CWH43: variants seen among roughly 807,000 people sequenced by gnomAD.
The protein encoded by CWH43 is cell wall biogenesis 43 C-terminal homolog.
CWH43 carries 91 observed loss-of-function variants against 85.7 expected under a neutral mutation model. The observed-to-expected ratio is 1.06, with a 90% CI of 0.90 to 1.26. The LOEUF (loss-of-function observed/expected upper bound fraction) is 1.26, where lower values mean the gene tolerates loss of function less well. CWH43 is among the 50% of genes most tolerant of loss of function. CWH43 has a pLI of 0.00. For synonymous variants in CWH43, 323 were observed against 293.6 expected (o/e 1.10, Z -1.02); for missense variants, 869 against 839.2 (o/e 1.04, Z -0.44).
intron 15 of CWH43, 89 bp downstream of exon 15, chr4:49,050,938 T>C (rs977684457): frequency 1.6e-5 from 15 of 960,968 alleles, no homozygotes; most frequent in Non-Finnish European, 2.0e-5. Flanking sequence ...CTAGAAATTA[T>C]ATTTTGTCCT....
intron 13 of CWH43, among the ~76,000 whole-genome samples, chr4:49,040,666 T>G (rs1274466927): frequency 1.2e-4 from 18 of 151,744 alleles, no homozygotes; most frequent in Non-Finnish European, 2.1e-4. Flanking sequence ...TGAGTAGGTT[T>G]TGAAAATTTT....
intron 9 of CWH43, among the ~76,000 whole-genome samples, chr4:49,026,417 A>G (rs184725371): frequency 2.0e-5 from 3 of 152,230 alleles, no homozygotes; most frequent in Admixed American, 6.5e-5. Flanking sequence ...TTGGAGCAAA[A>G]GTTCATGGTG....
chr4:49,026,877 G>A (rs1783932505), intron 9 of CWH43, among the ~76,000 whole-genome samples: 1 of 152,208 alleles, frequency 6.6e-6, no homozygotes, highest in Non-Finnish European at 1.5e-5. Flanking sequence ...TTAACATAAT[G>A]CCTTCTTTCC....
chr4:49,030,710 T>C, intron 10 of CWH43, 115 bp from the exon 11 acceptor site: 1 of 943,894 alleles, frequency 1.1e-6, no homozygotes, highest in Non-Finnish European at 1.5e-6. Context: ...AATTACTTTG[T>C]TTTTGGGTTT....
At chr4:49,035,078 C>A (rs560396701) in intron 12 of CWH43, among the ~76,000 whole-genome samples, 31 of 152,302 alleles carry the variant, frequency 2.0e-4, no homozygotes, top group African/African-American at 5.1e-4. Flanking sequence ...AGCCTCCCAA[C>A]AAGCGACATA....
intron 8 of CWH43, among the ~76,000 whole-genome samples, chr4:49,014,264 G>A (rs748739772): frequency 6.6e-6 from 1 of 152,050 alleles, no homozygotes; most frequent in Non-Finnish European, 1.5e-5. Flanking sequence ...ACCAGCATAA[G>A]CAATGTAGTG....
Position 49,032,453 on chromosome 4 carries a change from T to C in CWH43, c.1509-113T>C. The stretch of plus-strand genomic sequence containing the variant: ...TCTGCCGCATTGCTTTGAATGTCCC[T>C]TGGTGGGATGTGTGCAGTGGGACAC... On this transcript the variant is annotated intron_variant, in intron 11 of 15. Coordinates refer to ENST00000226432, the MANE Select transcript of CWH43 (RefSeq NM_025087.3). 2.5e-6 allele frequency: 3 copies of C among 1,177,562 alleles called. No individual in the cohort carries two copies. In the South Asian group the frequency reaches 4.1e-5, roughly 16 times the overall value. The allele number at this position is 1,177,562 out of a possible 1,614,324, so 72.9% of individuals were successfully genotyped here.
chr4:49,018,715 T>C (rs1444388869), intron 9 of CWH43, among the ~76,000 whole-genome samples: 2 of 152,232 alleles, frequency 1.3e-5, no homozygotes, highest in African/African-American at 4.8e-5. Context: ...TTGGTTAAAA[T>C]AGAAATTGTT....
chr4:49,026,983 GT>G (rs1332306763), intron 9 of CWH43, among the ~76,000 whole-genome samples: 10 of 152,294 alleles, frequency 6.6e-5, no homozygotes, highest in Non-Finnish European at 1.5e-4. Context: ...CATTGTGATT[GT>G]ACCAATTTAC....
chr4:49,027,168 G>A (rs1156699915), intron 9 of CWH43, among the ~76,000 whole-genome samples: 2 of 152,226 alleles, frequency 1.3e-5, no homozygotes, highest in African/African-American at 4.8e-5. Flanking sequence ...GTCTCATAGA[G>A]AGATGATGGT....
intron 12 of CWH43, among the ~76,000 whole-genome samples, chr4:49,037,570 A>AC: frequency 3.7e-5 from 1 of 27,304 alleles, no homozygotes; most frequent in South Asian, 9.8e-4. Flanking sequence ...ACTCTGTCTC[A>AC]AAAAAAAAAA....
chr4:49,055,209 T>C (rs1412386700), intron 15 of CWH43, among the ~76,000 whole-genome samples: 1 of 152,210 alleles, frequency 6.6e-6, no homozygotes, highest in Non-Finnish European at 1.5e-5. Context: ...AGAGTTTTTA[T>C]CATGAAAAGA....
chr4:49,047,850 C>G (rs1464306510), intron 14 of CWH43, among the ~76,000 whole-genome samples: 1 of 152,136 alleles, frequency 6.6e-6, no homozygotes, highest in African/African-American at 2.4e-5. Flanking sequence ...CATATGCTTA[C>G]TGAGGTGGGC....
At chr4:49,040,493 C>A (rs1784424991) in intron 13 of CWH43, among the ~76,000 whole-genome samples, 3 of 152,054 alleles carry the variant, frequency 2.0e-5, no homozygotes, top group African/African-American at 7.2e-5. Flanking sequence ...TCTCTGATGG[C>A]CAGTGATGAG....
In CWH43 at chr4:49,061,931, A is replaced by G; in HGVS notation, c.*41A>G. The G allele has an allele frequency of 7.9e-7, 1 of 1,271,870 alleles. No homozygotes were observed. The highest frequency in any genetic ancestry group is 1.0e-6 in the Non-Finnish European group (1 of 960,952). 78.8% of individuals were successfully genotyped at this position (1,271,870 alleles called of 1,614,324 possible). On this transcript the variant is annotated 3_prime_UTR_variant, in exon 16 of 16. Coordinates refer to ENST00000226432, the MANE Select transcript of CWH43 (RefSeq NM_025087.3). ...AAGTTATTGGCTGGGAAAATCTAAG[A>G]AAAAAAGTATGTAAGATAAAAAGAA...
At position 49,003,733 on chromosome 4, in the gene CWH43, A is replaced by G. The variant is rs1235185757; in HGVS notation, c.803-2A>G. ...TCTGATTCTTTTCTCTCTCACAAAC[A>G]GGAACAGCTTCAGCTGCGGGGCTCC... is the stretch of plus-strand genomic sequence containing the variant. On this transcript the variant is annotated splice_acceptor_variant, in intron 6 of 15. Coordinates refer to ENST00000226432, the MANE Select transcript of CWH43 (RefSeq NM_025087.3). LOFTEE classifies it high-confidence loss of function. The G allele has an allele frequency of 6.2e-7, 1 of 1,613,606 alleles. No individual in the cohort carries two copies.
At chr4:49,032,024 G>A (rs761036769) in intron 11 of CWH43, among the ~76,000 whole-genome samples, 8 of 152,166 alleles carry the variant, frequency 5.3e-5, no homozygotes, top group Non-Finnish European at 1.0e-4. Context: ...AGCTATCATC[G>A]TATAGAGATA....
At chr4:48,991,365 T>C (rs770099506) in intron 2 of CWH43, 89 bp from the exon 3 acceptor site, 1 of 1,372,002 alleles carries the variant, frequency 7.3e-7, no homozygotes. Flanking sequence ...AGTATAAAGA[T>C]GGTATCAGAT....
chr4:49,020,416 C>CACATATATATATATATATATAT, intron 9 of CWH43, among the ~76,000 whole-genome samples: 1 of 128,394 alleles, frequency 7.8e-6, no homozygotes, highest in African/African-American at 2.7e-5. Context: ...CACACACACA[C>CACATATATATATATATATATAT]ATATATATAT....
Sources: allele counts gnomAD v4.1 joint callset (sites outside exome capture counted in the v4.1 genomes callset), GRCh38; gene constraint gnomAD v4.1.1; transcripts MANE v1.5; gene names NCBI Gene and HGNC (gene_info 2026-07-23, HGNC 2026-07-21).